The following LENG8 variants were observed in gnomAD, a reference collection of about 807,000 sequenced individuals.
LENG8 encodes the protein leukocyte receptor cluster (LRC) member 8.
Under a neutral mutation model 102.1 loss-of-function variants are expected in LENG8, and 28 were observed. That is an observed-to-expected ratio of 0.27 (90% CI 0.20 to 0.38). The LOEUF (loss-of-function observed/expected upper bound fraction) is 0.38, where lower values mean the gene tolerates loss of function less well. Among genes scored for constraint, LENG8 ranks in the 10% least tolerant of loss-of-function variants. The probability of loss-of-function intolerance (pLI) is 1.00; values close to 1 mark genes in which losing one functional copy is unlikely to be tolerated. For missense variants in LENG8, 1,022 were observed against 1,113.9 expected (o/e 0.92, Z 1.17); for synonymous variants, 531 against 456.7 (o/e 1.16, Z -2.07).
chr19:54,456,310 T>A lies in LENG8; in HGVS notation c.1305-15T>A. 1 of 1,614,106 alleles carries A rather than the reference T, an allele frequency of 6.2e-7. No homozygotes were observed. Among genetic ancestry groups the A allele is most frequent in the Non-Finnish European group, 8.5e-7 (1 of 1,179,996 alleles). ...GGAGGCGTTTCAGGCCTGACCCTCCTGCTTCTTCCTGCAGTGACTCCCACT... is the reference window on the plus strand; with the variant it reads ...GGAGGCGTTTCAGGCCTGACCCTCCAGCTTCTTCCTGCAGTGACTCCCACT... On this transcript the variant is annotated splice_polypyrimidine_tract_variant and intron_variant, in intron 9 of 15. Transcript: ENST00000326764.
rs539586692 is a variant in LENG8, at chr19:54,460,775, T to C, written c.2250T>C (p.Pro750=). 1.2e-5 allele frequency: 15 copies of C among 1,295,952 alleles called. No homozygotes were observed. In the African/African-American group the frequency reaches 2.0e-4, roughly 17 times the overall value. The allele number at this position is 1,295,952 out of a possible 1,614,324, so 80.3% of individuals were successfully genotyped here. A position where few individuals can be genotyped will look rare whatever the true frequency, so the allele number is the denominator to read the frequency against. ...CCTCTTGTCTCCATAGCTTCCGCCCTGCGCTGCCAGTCTCCTACCTGCAGG... is the reference window on the plus strand; with the variant it reads ...CCTCTTGTCTCCATAGCTTCCGCCCCGCGCTGCCAGTCTCCTACCTGCAGG... ...ALKAMIKTFR[P]ALPVSYLQAE... is the part of the protein sequence containing the mutation. Residue 750 remains proline, a synonymous_variant, in exon 16 of 16, where the codon CCT becomes CCC. Transcript: ENST00000326764.
At chr19:54,453,959 C>CT (rs1261386903) in intron 5 of LENG8, among the ~76,000 whole-genome samples, 3 of 152,130 alleles carry the variant, frequency 2.0e-5, no homozygotes, top group African/African-American at 7.2e-5. Flanking sequence ...AATGGCCGGG[C>CT]TAGTGCACAG....
chr19:54,460,557 A>C (rs2084479915), intron 15 of LENG8: 1 of 1,406,448 alleles, frequency 7.1e-7, no homozygotes, highest in Non-Finnish European at 9.3e-7. Flanking sequence ...AGTGAGGGTG[A>C]GGGGGGCACA....
At chr19:54,451,976 C>T in intron 2 of LENG8, 117 bp from the exon 3 acceptor site, 1 of 933,358 alleles carries the variant, frequency 1.1e-6, no homozygotes, top group Non-Finnish European at 1.6e-6. Context: ...AAAACTTAGG[C>T]TTAGACTGGT....
At position 54,451,277 on chromosome 19, in the gene LENG8, C is replaced by G. The variant is rs980285458; in HGVS notation, c.-55-13C>G. 52 of 1,541,616 alleles carry G rather than the reference C, an allele frequency of 3.4e-5. No individual in the cohort carries two copies. Among genetic ancestry groups the G allele is most frequent in the Non-Finnish European group, 3.2e-5 (36 of 1,113,778 alleles). Reference sequence around the variant, plus strand: ...CCCCCTTAAGTCTCCCTAACTCATTCTTTTTCTCATAGACAGTGAAAAAGC... The same window carrying G: ...CCCCCTTAAGTCTCCCTAACTCATTGTTTTTCTCATAGACAGTGAAAAAGC... On this transcript the variant is annotated splice_polypyrimidine_tract_variant and intron_variant, in intron 1 of 15. Transcript: ENST00000326764.
At chr19:54,457,047 G>A (rs112042612) in intron 11 of LENG8, 126 bp downstream of exon 11, 1 of 1,108,924 alleles carries the variant, frequency 9.0e-7, no homozygotes, top group Non-Finnish European at 1.3e-6. Context: ...CTCGGCCAGA[G>A]ACGCCTCGGC....
At chr19:54,451,671 A>T (rs905225333) in intron 2 of LENG8, among the ~76,000 whole-genome samples, 3 of 152,216 alleles carry the variant, frequency 2.0e-5, no homozygotes, top group South Asian at 4.1e-4. Context: ...CCCAACACTC[A>T]ATACACAGTC....
rs772866105 is a variant in LENG8 at position 54,455,552 on chromosome 19, G to A, written c.1010G>A (p.Arg337Gln). 28 of 1,610,814 alleles carry A rather than the reference G, an allele frequency of 1.7e-5. No homozygotes were observed. The highest frequency in any genetic ancestry group is 1.8e-4 in the Middle Eastern group (1 of 5,532). The change falls in exon 8 of 16, where the codon CGG becomes CAG. Residue 337 changes from arginine (R) to glutamine (Q), a missense_variant. By Grantham distance (43) the Arg-to-Gln change is conservative. This residue lies in a region of LENG8 where 326 missense variants were observed against 324.5 expected (regional missense o/e 1.00). Transcript: ENST00000326764. ...DGSAYTIDWS[R>Q]EPLPGLTREP... The stretch of plus-strand genomic sequence containing the variant: ...TCGGCCTATACCATTGACTGGAGCC[G>A]GGAGCCCTTGCCGGGGTTAGTCTGG...
chr19:54,460,220 G>T (rs2084460639), intron 15 of LENG8: 1 of 1,288,708 alleles, frequency 7.8e-7, no homozygotes, highest in Non-Finnish European at 1.0e-6. Context: ...GCTGCACCCT[G>T]TGGAAGAGGG....
rs2084584840 is a variant in LENG8 at position 54,461,866 on chromosome 19, G to C, written c.*938G>C. 2.8e-6 allele frequency: 2 copies of C among 715,108 alleles called. No individual in the cohort carries two copies. The highest frequency in any genetic ancestry group is 4.0e-5 in the Admixed American group (2 of 49,844). 44.3% of individuals were successfully genotyped at this position (715,108 alleles called of 1,614,324 possible). Reference sequence around the variant, plus strand: ...TGTGCTATGAGTTTGCAAACAGCTGGACTGTCAGGCTGCTTTTTTTCCAGA... The same window carrying C: ...TGTGCTATGAGTTTGCAAACAGCTGCACTGTCAGGCTGCTTTTTTTCCAGA... On this transcript the variant is annotated 3_prime_UTR_variant, in exon 16 of 16. Coordinates refer to ENST00000326764, the MANE Select transcript of LENG8 (RefSeq NM_052925.4).
chr19:54,457,065 C>T (rs2084288738), intron 11 of LENG8, 144 bp downstream of exon 11: 4 of 998,980 alleles, frequency 4.0e-6, no homozygotes, highest in South Asian at 1.7e-5. Context: ...GGCTGGTCGG[C>T]ATTCTGAGAG....
At position 54,457,401 on chromosome 19, in the gene LENG8, C is replaced by T. The variant is rs1027691627; in HGVS notation, c.1732-346C>T. Among the ~76,000 whole-genome samples, 7 of 152,310 alleles carry T rather than the reference C, an allele frequency of 4.6e-5. No individual in the cohort carries two copies. In the East Asian group the frequency reaches 5.8e-4, roughly 13 times the overall value. ...TGTCGCCCAAGCTGGAGTGCAATGG[C>T]GTGATCTTGGCTCACCGCAGCCTCC... is the stretch of plus-strand genomic sequence containing the variant. On this transcript the variant is annotated intron_variant, in intron 11 of 15. Coordinates refer to ENST00000326764, the MANE Select transcript of LENG8 (RefSeq NM_052925.4).
intron 1 of LENG8, among the ~76,000 whole-genome samples, chr19:54,451,003 A>G (rs1311900012): frequency 6.6e-6 from 1 of 152,060 alleles, no homozygotes; most frequent in African/African-American, 2.4e-5. Context: ...CTTTGCTCAC[A>G]TGGGTTTCAG....
rs757392278 is a variant in LENG8, at chr19:54,454,514, A to C, written c.511A>C (p.Asn171His). The C allele has an allele frequency of 6.2e-7, 1 of 1,613,896 alleles. No individual in the cohort carries two copies. The highest frequency in any genetic ancestry group is 8.5e-7 in the Non-Finnish European group (1 of 1,179,924). ...LPSAQPPQPS[N>H]PPHGAHTLNS... is the part of the protein sequence containing the mutation. ...GTCGGCTCAGCCCCCTCAGCCCTCA[A>C]ATCCCCCACATGGGGCTCACACGCT... The change falls in exon 6 of 16, where the codon AAT becomes CAT. Residue 171 changes from asparagine to histidine, a missense_variant. By Grantham distance (68) the Asn-to-His change is moderately conservative (BLOSUM62 1). This residue lies in a region of LENG8 where 343 missense variants were observed against 320.2 expected (regional missense o/e 1.07). Coordinates refer to ENST00000326764, the MANE Select transcript of LENG8 (RefSeq NM_052925.4).
intron 4 of LENG8, among the ~76,000 whole-genome samples, chr19:54,453,287 TTTG>T (rs1194174608): frequency 6.6e-6 from 1 of 152,244 alleles, no homozygotes; most frequent in Non-Finnish European, 1.5e-5. Context: ...GGGTTTTCCT[TTTG>T]TTCTGTCGTA....
rs770509166 is a variant in LENG8 at position 54,454,543 on chromosome 19, C to T, written c.540C>T (p.Asn180=). The change falls in exon 6 of 16, where the codon AAC becomes AAT. Residue 180 remains asparagine, a synonymous_variant. Coordinates refer to ENST00000326764, the MANE Select transcript of LENG8 (RefSeq NM_052925.4). ...CCCCACATGGGGCTCACACGCTGAACAGTGGCCCTCAGCCTGGGACAGCTC... is the reference window on the plus strand; with the variant it reads ...CCCCACATGGGGCTCACACGCTGAATAGTGGCCCTCAGCCTGGGACAGCTC... ...SNPPHGAHTL[N]SGPQPGTAPA... is the part of the protein sequence containing the mutation. 4.3e-6 allele frequency: 7 copies of T among 1,613,356 alleles called. No homozygotes were observed. The highest frequency in any genetic ancestry group is 2.2e-5 in the South Asian group (2 of 91,052).
intron 11 of LENG8, 115 bp downstream of exon 11, chr19:54,457,036 G>A (rs2084287025): frequency 8.3e-7 from 1 of 1,203,026 alleles, no homozygotes; most frequent in African/African-American, 1.5e-5. Context: ...GGCAGGGGAA[G>A]CTCGGCCAGA....
chr19:54,456,544 G>A (rs1234054442), intron 10 of LENG8, 79 bp downstream of exon 10: 2 of 1,532,790 alleles, frequency 1.3e-6, no homozygotes, highest in Admixed American at 4.0e-5. Flanking sequence ...GAGGAGGAGG[G>A]CCGGACAGGT....
rs758673159 is a variant in LENG8 at position 54,456,476 on chromosome 19, G to GT, written c.1445+12dup. The GT allele has an allele frequency of 1.1e-5, 17 of 1,597,766 alleles. No individual in the cohort carries two copies. In the African/African-American group the frequency reaches 1.9e-4, roughly 18 times the overall value. ...GCAGCGTGGGAAGAGGTGAGACTGT[G>GT]TGAGGGCTCGACACACGGGCCAGGG... On this transcript the variant is annotated intron_variant, in intron 10 of 15. Transcript: ENST00000326764.
Sources: gnomAD v4.1 joint callset for allele counts (sites outside exome capture counted in the v4.1 genomes callset) on GRCh38, gnomAD v4.1.1 for gene constraint, gnomAD v4.1.1 regional missense constraint, MANE v1.5 for transcripts, NCBI Gene and HGNC (gene_info 2026-07-23, HGNC 2026-07-21) for gene names.